Variants in GRM8 observed in about 807,000 individuals in gnomAD.
The protein encoded by GRM8 is metabotropic glutamate receptor 8.
Under a neutral mutation model 87.2 loss-of-function variants are expected in GRM8, and 47 were observed. The observed-to-expected ratio is 0.54, with a 90% CI of 0.43 to 0.69. GRM8 has a LOEUF of 0.69. GRM8 is among the 30% of genes least tolerant of loss of function. GRM8 has a pLI of 0.00. For synonymous variants in GRM8, 396 were observed against 404.5 expected (o/e 0.98, Z 0.25); for missense variants, 1,019 against 1,139.2 (o/e 0.89, Z 1.52).
intron 7 of GRM8, among the ~76,000 whole-genome samples, chr7:126,664,844 A>C (rs1284846143): frequency 1.3e-5 from 2 of 152,204 alleles, no homozygotes; most frequent in Non-Finnish European, 2.9e-5. Context: ...AGAATGGGAG[A>C]AAATATTTGC....
At chr7:127,022,892 A>T (rs891712843) in intron 3 of GRM8, among the ~76,000 whole-genome samples, 2 of 152,098 alleles carry the variant, frequency 1.3e-5, no homozygotes, top group African/African-American at 2.4e-5. Flanking sequence ...CCCCATCTAT[A>T]AAATGAGAGC....
intron 9 of GRM8, among the ~76,000 whole-genome samples, chr7:126,529,629 A>G (rs1814482583): frequency 6.6e-6 from 1 of 151,996 alleles, no homozygotes; most frequent in African/African-American, 2.4e-5. Context: ...TTTTGTTTCC[A>G]TCGGATGCTC....
intron 9 of GRM8, among the ~76,000 whole-genome samples, chr7:126,477,546 G>T (rs1806075264): frequency 1.4e-5 from 2 of 140,354 alleles, no homozygotes; most frequent in African/African-American, 5.4e-5. Flanking sequence ...AAGAGACTGA[G>T]AAAAGGAGAA....
At chr7:126,751,389 T>C (rs1287375576) in intron 7 of GRM8, among the ~76,000 whole-genome samples, 3 of 152,132 alleles carry the variant, frequency 2.0e-5, no homozygotes, top group Admixed American at 1.3e-4. Flanking sequence ...GGATATTTCT[T>C]ATACCTATTA....
intron 7 of GRM8, among the ~76,000 whole-genome samples, chr7:126,707,778 G>T (rs1810686082): frequency 6.6e-6 from 1 of 152,030 alleles, no homozygotes; most frequent in Non-Finnish European, 1.5e-5. Flanking sequence ...TGTAAGACTT[G>T]AAACCATTAA....
At chr7:126,513,083 G>A (rs552557190) in intron 9 of GRM8, among the ~76,000 whole-genome samples, 1 of 152,142 alleles carries the variant, frequency 6.6e-6, no homozygotes, top group South Asian at 2.1e-4. Context: ...ATACCTGTAT[G>A]TTTCAGACAA....
At chr7:126,761,049 A>G (rs1817535510) in intron 7 of GRM8, among the ~76,000 whole-genome samples, 1 of 152,090 alleles carries the variant, frequency 6.6e-6, no homozygotes, top group East Asian at 1.9e-4. Context: ...TACAAAAAAA[A>G]TTAGCCGGCT....
intron 2 of GRM8, among the ~76,000 whole-genome samples, chr7:127,230,327 T>G (rs1797605278): frequency 6.6e-6 from 1 of 152,090 alleles, no homozygotes; most frequent in Non-Finnish European, 1.5e-5. Context: ...AGTTTTGTCA[T>G]AGCAGAGAGA....
At chr7:126,469,507 A>G (rs1162353211) in intron 9 of GRM8, among the ~76,000 whole-genome samples, 1 of 151,998 alleles carries the variant, frequency 6.6e-6, no homozygotes, top group Non-Finnish European at 1.5e-5. Flanking sequence ...CATGGGAGGG[A>G]CTCAGTGGGA....
At chr7:126,453,817 C>T (rs998680047) in intron 9 of GRM8, among the ~76,000 whole-genome samples, 3 of 151,680 alleles carry the variant, frequency 2.0e-5, no homozygotes, top group African/African-American at 4.8e-5. Context: ...GAATTATTTA[C>T]AGAAATATAG....
intron 9 of GRM8, among the ~76,000 whole-genome samples, chr7:126,486,865 C>T (rs1172924004): frequency 1.3e-5 from 2 of 151,888 alleles, no homozygotes; most frequent in African/African-American, 4.8e-5. Flanking sequence ...CTAATGTGTC[C>T]CTATGCAAAA....
At chr7:126,953,058 C>T (rs912770372) in intron 3 of GRM8, among the ~76,000 whole-genome samples, 2 of 152,066 alleles carry the variant, frequency 1.3e-5, no homozygotes, top group Non-Finnish European at 2.9e-5. Flanking sequence ...GAAAATTCTC[C>T]GTTCCATTTT....
At chr7:126,690,834 C>T (rs923843886) in intron 7 of GRM8, among the ~76,000 whole-genome samples, 3 of 152,072 alleles carry the variant, frequency 2.0e-5, no homozygotes, top group Non-Finnish European at 2.9e-5. Flanking sequence ...AAAGAGGAGA[C>T]CCATAATGTG....
chr7:126,963,143 G>A (rs753778485), intron 3 of GRM8, among the ~76,000 whole-genome samples: 10 of 152,200 alleles, frequency 6.6e-5, no homozygotes, highest in Middle Eastern at 3.4e-3. Flanking sequence ...TTGCCTTATC[G>A]TGAGACCATA....
At chr7:126,852,513 G>T (rs974083614) in intron 6 of GRM8, among the ~76,000 whole-genome samples, 9 of 152,120 alleles carry the variant, frequency 5.9e-5, no homozygotes, top group Non-Finnish European at 8.8e-5. Flanking sequence ...AATTATCCTA[G>T]TCCTAACAAA....
intron 6 of GRM8, among the ~76,000 whole-genome samples, chr7:126,786,567 C>T (rs1203506235): frequency 6.6e-6 from 1 of 152,100 alleles, no homozygotes; most frequent in African/African-American, 2.4e-5. Context: ...TCTGCCATTC[C>T]TGCAGTGAGG....
intron 8 of GRM8, among the ~76,000 whole-genome samples, chr7:126,553,174 C>T (rs529877730): frequency 6.6e-6 from 1 of 152,216 alleles, no homozygotes; most frequent in South Asian, 2.1e-4. Context: ...CCCCTACTTC[C>T]TGCTTAAATT....
intron 2 of GRM8, among the ~76,000 whole-genome samples, chr7:127,203,581 C>G (rs1193140974): frequency 6.6e-6 from 1 of 151,824 alleles, no homozygotes; most frequent in Non-Finnish European, 1.5e-5. Flanking sequence ...GGTGGTACGA[C>G]CCTGTAATCC....
chr7:126,460,740 A>G (rs574381600), intron 9 of GRM8, among the ~76,000 whole-genome samples: 2 of 151,696 alleles, frequency 1.3e-5, no homozygotes, highest in South Asian at 4.1e-4. Flanking sequence ...GTGAAGGAGA[A>G]AAGCCTTATG....
Sources: gnomAD v4.1 joint callset for allele counts (sites outside exome capture counted in the v4.1 genomes callset) on GRCh38, gnomAD v4.1.1 for gene constraint, MANE v1.5 for transcripts, NCBI Gene and HGNC (gene_info 2026-07-23, HGNC 2026-07-21) for gene names.